CXADR: variants seen among roughly 807,000 people sequenced by gnomAD.
CXADR encodes CXADR cell adhesion molecule, also known as coxsackievirus and adenovirus receptor.
A neutral mutation model predicts 40.3 loss-of-function variants in CXADR; 20 were observed. The observed-to-expected ratio is 0.50, with a 90% CI of 0.35 to 0.72. The LOEUF is 0.72. Ranked by LOEUF, CXADR falls within the 30% of genes least tolerant of loss-of-function variation. The pLI, the probability that CXADR is intolerant of heterozygous loss-of-function variation, is 0.01. For synonymous variants in CXADR, 150 were observed against 161.3 expected (o/e 0.93, Z 0.53); for missense variants, 332 against 449.1 (o/e 0.74, Z 2.36).
intron 4 of CXADR, among the ~76,000 whole-genome samples, chr21:17,560,439 A>G (rs184868482): frequency 3.5e-4 from 53 of 152,286 alleles, no homozygotes; most frequent in African/African-American, 1.2e-3. Flanking sequence ...TGCAGCAGGT[A>G]CACAGTGGAC....
the CXADR span, chr21:17,598,693 G>A: frequency 1.9e-6 from 3 of 1,614,022 alleles, no homozygotes. Context: ...TTCATCTGAA[G>A]AAGAGGATCC....
chr21:17,537,538 C>T (rs544873538), intron 1 of CXADR, among the ~76,000 whole-genome samples: 6 of 152,188 alleles, frequency 3.9e-5, no homozygotes, highest in African/African-American at 1.4e-4. Context: ...TTCATAGCTC[C>T]TCTCTGTCCC....
At chr21:17,630,640 C>A in the CXADR span, among the ~76,000 whole-genome samples, 1 of 99,120 alleles carries the variant, frequency 1.0e-5, no homozygotes, top group Non-Finnish European at 1.9e-5. Context: ...AGACTTCCTT[C>A]TTCCTTCTTC....
chr21:17,556,168 A>T (rs1271255308), intron 3 of CXADR, among the ~76,000 whole-genome samples: 1 of 152,202 alleles, frequency 6.6e-6, no homozygotes, highest in African/African-American at 2.4e-5. Context: ...CCAAAGAAAC[A>T]TTTAGGAGAC....
intron 1 of CXADR, among the ~76,000 whole-genome samples, chr21:17,530,855 A>G (rs1292520491): frequency 6.6e-6 from 1 of 152,142 alleles, no homozygotes; most frequent in Admixed American, 6.5e-5. Flanking sequence ...ATTATCCTAC[A>G]TGTGTTTTCA....
intron 3 of CXADR, among the ~76,000 whole-genome samples, chr21:17,557,995 C>T (rs1156358090): frequency 6.6e-6 from 1 of 151,940 alleles, no homozygotes; most frequent in Non-Finnish European, 1.5e-5. Context: ...GGTGTTAATC[C>T]AGGATTGGGG....
the CXADR span, among the ~76,000 whole-genome samples, chr21:17,606,007 A>G: frequency 2.0e-5 from 3 of 152,212 alleles, no homozygotes; most frequent in Non-Finnish European, 4.4e-5. Context: ...AGTTTTTGTA[A>G]AAGTTAAATT....
the CXADR span, chr21:17,608,838 A>T: frequency 1.1e-6 from 1 of 871,934 alleles, no homozygotes; most frequent in Non-Finnish European, 1.7e-6. Flanking sequence ...AGGAGAAAAT[A>T]TACAAACACC....
chr21:17,564,570 G>A (rs909040051), intron 6 of CXADR, among the ~76,000 whole-genome samples: 14 of 152,046 alleles, frequency 9.2e-5, no homozygotes, highest in Admixed American at 3.9e-4. Context: ...GGAACCCGTG[G>A]ATGTGGAGGG....
intron 7 of CXADR, among the ~76,000 whole-genome samples, chr21:17,578,173 A>G (rs211960): frequency 0.1 from 15,266 of 152,206 alleles, 828 homozygotes; most frequent in Middle Eastern, 0.16. Context: ...GGGTAGTTCT[A>G]TTTTTAATTT....
intron 7 of CXADR, among the ~76,000 whole-genome samples, chr21:17,577,628 T>TTTTTTTTTTTTG (rs2061331541): frequency 6.9e-6 from 1 of 145,432 alleles, no homozygotes; most frequent in Non-Finnish European, 1.5e-5. Context: ...TTTTTTTTTT[T>TTTTTTTTTTTTG]TTTTTTTTTT....
intron 1 of CXADR, among the ~76,000 whole-genome samples, chr21:17,541,442 A>C (rs2060826963): frequency 6.6e-6 from 1 of 152,044 alleles, no homozygotes; most frequent in Non-Finnish European, 1.5e-5. Context: ...CTGTAGTCCC[A>C]GCTACCCGGG....
At chr21:17,628,301 C>A in the CXADR span, among the ~76,000 whole-genome samples, 1 of 152,148 alleles carries the variant, frequency 6.6e-6, no homozygotes, top group African/African-American at 2.4e-5. Flanking sequence ...ATTATGAAAG[C>A]GGGCAAGTCC....
At chr21:17,553,142 C>G (rs750478534) in intron 3 of CXADR, among the ~76,000 whole-genome samples, 5 of 152,162 alleles carry the variant, frequency 3.3e-5, no homozygotes, top group Non-Finnish European at 5.9e-5. Context: ...AGGCTGGTCT[C>G]AAACTCCTGA....
At chr21:17,574,048 A>G (rs1400577175), downstream of CXADR, among the ~76,000 whole-genome samples, 1 of 152,252 alleles carries the variant, frequency 6.6e-6, no homozygotes, top group Admixed American at 6.5e-5. Flanking sequence ...AAGTGATAAG[A>G]ACTTCTACAT....
chr21:17,618,690 C>T, the CXADR span, among the ~76,000 whole-genome samples: 1 of 152,100 alleles, frequency 6.6e-6, no homozygotes, highest in Non-Finnish European at 1.5e-5. Flanking sequence ...GCATGCACCA[C>T]CACGCCCGGC....
chr21:17,565,849 G>A lies in CXADR; in HGVS notation c.*157G>A. On this transcript the variant is annotated 3_prime_UTR_variant, in exon 7 of 7. Transcript: ENST00000284878. ...AATATATTTTTAAAAATTTTTGTTT[G>A]GTTATATCGAAATAGTTACAGGCAC... 7.6e-7 allele frequency: 1 copy of A among 1,314,404 alleles called. No individual in the cohort carries two copies. Among genetic ancestry groups the A allele is most frequent in the South Asian group, 2.7e-5 (1 of 36,842 alleles). The allele number at this position is 1,314,404 out of a possible 1,614,324, so 81.4% of individuals were successfully genotyped here.
chr21:17,561,790 GT>G (rs1044462068), intron 6 of CXADR, among the ~76,000 whole-genome samples: 1 of 151,792 alleles, frequency 6.6e-6, no homozygotes, highest in African/African-American at 2.4e-5. Context: ...AGATATTGAG[GT>G]TTGAAAAAAA....
Position 17,568,625 on chromosome 21 carries a change from A to C in CXADR, c.*2933A>C, listed in dbSNP as rs2061246135. 1 of 981,030 alleles carries C rather than the reference A, an allele frequency of 1.0e-6. No individual in the cohort carries two copies. Among genetic ancestry groups the C allele is most frequent in the Non-Finnish European group, 1.2e-6 (1 of 828,442 alleles). The allele number at this position is 981,030 out of a possible 1,614,324, so 60.8% of individuals were successfully genotyped here. A position where few individuals can be genotyped will look rare whatever the true frequency, so the allele number is the denominator to read the frequency against. ...AGGCTGGTCTCAAACTGCTGGGCTCAGGAGATCCTCCTGCCTTGGCCTCCC... is the reference window on the plus strand; with the variant it reads ...AGGCTGGTCTCAAACTGCTGGGCTCCGGAGATCCTCCTGCCTTGGCCTCCC... On this transcript the variant is annotated 3_prime_UTR_variant, in exon 7 of 7. Coordinates refer to ENST00000284878, the MANE Select transcript of CXADR (RefSeq NM_001338.5).
Sources: allele counts gnomAD v4.1 joint callset (sites outside exome capture counted in the v4.1 genomes callset), GRCh38; gene constraint gnomAD v4.1.1; transcripts MANE v1.5; gene names NCBI Gene and HGNC (gene_info 2026-07-23, HGNC 2026-07-21).